Variants in MYO5B observed in about 807,000 individuals in gnomAD.
MYO5B encodes the protein unconventional myosin-Vb.
In MYO5B, 143 loss-of-function variants were observed where a neutral mutation model predicts 229.3. That is an observed-to-expected ratio of 0.62 (90% CI 0.54 to 0.72). MYO5B has a LOEUF of 0.72. MYO5B is among the 30% of genes least tolerant of loss of function. The pLI is 0.00. For missense variants in MYO5B, 2,321 were observed against 2,331.0 expected (o/e 1.00, Z 0.09); for synonymous variants, 918 against 885.2 (o/e 1.04, Z -0.66).
intron 14 of MYO5B, among the ~76,000 whole-genome samples, chr18:49,939,118 T>C (rs1047264282): frequency 1.3e-5 from 2 of 151,894 alleles, no homozygotes; most frequent in East Asian, 1.9e-4. Flanking sequence ...TTACTAGGGG[T>C]TATATACATT....
chr18:50,108,447 T>C (rs2031801729), intron 1 of MYO5B, among the ~76,000 whole-genome samples: 1 of 152,210 alleles, frequency 6.6e-6, no homozygotes, highest in Non-Finnish European at 1.5e-5. Context: ...AACCACAATG[T>C]ATTTGTTTTA....
chr18:49,829,712 C>G (rs917330275), intron 39 of MYO5B, among the ~76,000 whole-genome samples: 18 of 152,112 alleles, frequency 1.2e-4, no homozygotes, highest in Non-Finnish European at 2.5e-4. Flanking sequence ...TACTAGCAAA[C>G]TGAATTCAGT....
chr18:49,904,642 A>C, intron 20 of MYO5B, 30 bp downstream of exon 20: 1 of 1,613,886 alleles, frequency 6.2e-7, no homozygotes, highest in Non-Finnish European at 8.5e-7. Flanking sequence ...CTGAATCTGC[A>C]GCCCTGAGGC....
At chr18:49,903,696 G>A (rs920722432) in intron 20 of MYO5B, among the ~76,000 whole-genome samples, 2 of 152,218 alleles carry the variant, frequency 1.3e-5, no homozygotes, top group African/African-American at 4.8e-5. Context: ...AGAGACAGAT[G>A]TTCATTTAAT....
chr18:50,140,897 T>C (rs1454334162), intron 1 of MYO5B, among the ~76,000 whole-genome samples: 1 of 152,206 alleles, frequency 6.6e-6, no homozygotes, highest in East Asian at 1.9e-4. Context: ...AAGGAAGAGA[T>C]GCATAGGACA....
At chr18:49,884,140 T>C (rs1205148232) in intron 22 of MYO5B, among the ~76,000 whole-genome samples, 1 of 151,952 alleles carries the variant, frequency 6.6e-6, no homozygotes, top group African/African-American at 2.4e-5. Flanking sequence ...TTGAACTTCA[T>C]TAAAATTTAA....
intron 27 of MYO5B, among the ~76,000 whole-genome samples, chr18:49,870,286 T>G (rs2024442778): frequency 6.6e-6 from 1 of 152,164 alleles, no homozygotes; most frequent in Admixed American, 6.5e-5. Context: ...TCAACAAAGA[T>G]TAACTCAAAG....
chr18:49,983,916 C>T (rs532912188), intron 8 of MYO5B, among the ~76,000 whole-genome samples: 1 of 152,292 alleles, frequency 6.6e-6, no homozygotes, highest in African/African-American at 2.4e-5. Flanking sequence ...CTCCAAAGAA[C>T]CTAACATGCT....
intron 22 of MYO5B, among the ~76,000 whole-genome samples, chr18:49,888,314 C>A (rs967203700): frequency 1.3e-5 from 2 of 152,106 alleles, no homozygotes; most frequent in African/African-American, 2.4e-5. Flanking sequence ...CACTGCCATA[C>A]GTCCCCTAAT....
intron 1 of MYO5B, among the ~76,000 whole-genome samples, chr18:50,148,346 C>A (rs1381146398): frequency 2.0e-5 from 3 of 151,198 alleles, no homozygotes; most frequent in Non-Finnish European, 4.4e-5. Flanking sequence ...AGGCCAGCAT[C>A]ATCCTGATAC....
At chr18:50,155,221 C>T (rs929272208) in intron 1 of MYO5B, among the ~76,000 whole-genome samples, 1 of 152,208 alleles carries the variant, frequency 6.6e-6, no homozygotes, top group Non-Finnish European at 1.5e-5. Context: ...TCACTTCACA[C>T]AGTTATAGTG....
At chr18:50,115,541 CAG>C (rs765565196) in intron 1 of MYO5B, among the ~76,000 whole-genome samples, 3,062 of 65,432 alleles carry the variant, frequency 0.047, 59 homozygotes, top group Middle Eastern at 0.048. Context: ...CACACACACA[CAG>C]AGAGACACAC....
chr18:49,938,212 G>A (rs937360451), intron 14 of MYO5B, among the ~76,000 whole-genome samples: 1 of 152,022 alleles, frequency 6.6e-6, no homozygotes, highest in African/African-American at 2.4e-5. Context: ...ATCAGAATAG[G>A]GATAAGCCTA....
At chr18:50,022,379 C>G (rs935254156) in intron 4 of MYO5B, among the ~76,000 whole-genome samples, 5 of 152,216 alleles carry the variant, frequency 3.3e-5, no homozygotes, top group African/African-American at 4.8e-5. Flanking sequence ...CCTCTTATTA[C>G]ACATATCAAA....
rs772660130 is a variant in MYO5B, at chr18:49,839,308, G to A, written c.4702-14C>T. ...AGTCATGAAGCCCTGCAGAGGGAGAGGCGTGCACTACTGAGTTCTCTGGTC... is the reference window on the plus strand; with the variant it reads ...AGTCATGAAGCCCTGCAGAGGGAGAAGCGTGCACTACTGAGTTCTCTGGTC... On this transcript the variant is annotated splice_polypyrimidine_tract_variant and intron_variant, in intron 35 of 39. Transcript: ENST00000285039. The A allele has an allele frequency of 1.9e-6, 3 of 1,612,268 alleles. No homozygotes were observed. The African/African-American group carries it at 4.0e-5, about 22-fold the overall frequency.
At chr18:49,902,957 C>A in intron 20 of MYO5B, 124 bp from the exon 21 acceptor site, 1 of 1,215,658 alleles carries the variant, frequency 8.2e-7, no homozygotes, top group Non-Finnish European at 1.2e-6. Context: ...GTTACACAGA[C>A]AATGTGCCCC....
intron 1 of MYO5B, among the ~76,000 whole-genome samples, chr18:50,081,784 T>TA (rs143100037): frequency 0.69 from 104,241 of 150,258 alleles, 37,559 homozygotes; most frequent in Middle Eastern, 0.8. Flanking sequence ...TAATCTTTGT[T>TA]AAAAAAAAAA....
chr18:50,016,242 C>T (rs572968809), intron 4 of MYO5B, among the ~76,000 whole-genome samples: 42 of 152,276 alleles, frequency 2.8e-4, no homozygotes, highest in African/African-American at 9.4e-4. Flanking sequence ...CTGTGCCTGA[C>T]TCTCAATTCC....
rs1407662748 is a variant in MYO5B, at chr18:49,904,707, T to A, written c.2536A>T (p.Thr846Ser). The A allele has an allele frequency of 6.2e-7, 1 of 1,613,920 alleles. No individual in the cohort carries two copies. ...RRAAVVIQAF[T>S]RAMFVRRTYR... Reference sequence around the variant, plus strand: ...GTTCTCCGCACAAACATGGCCCGGGTGAAGGCCTGGATAACAACGGCAGCT... The same window carrying A: ...GTTCTCCGCACAAACATGGCCCGGGAGAAGGCCTGGATAACAACGGCAGCT... The change falls in exon 20 of 40, where the codon ACC becomes TCC. Residue 846 changes from threonine (T) to serine (S), a missense_variant. Physicochemically the swap from Thr to Ser is moderately conservative, Grantham distance 58. Coordinates refer to ENST00000285039, the MANE Select transcript of MYO5B (RefSeq NM_001080467.3).
Sources: allele counts gnomAD v4.1 joint callset (sites outside exome capture counted in the v4.1 genomes callset), GRCh38; gene constraint gnomAD v4.1.1; transcripts MANE v1.5; gene names NCBI Gene and HGNC (gene_info 2026-07-23, HGNC 2026-07-21).